The following PSMD3 variants were observed in gnomAD, a reference collection of about 807,000 sequenced individuals.
The protein encoded by PSMD3 is proteasome 26S subunit, non-ATPase 3, also known as 26S proteasome non-ATPase regulatory subunit 3.
Under a neutral mutation model 62.8 loss-of-function variants are expected in PSMD3, and 5 were observed. The ratio of observed to expected loss-of-function variants is 0.08; its 90% confidence interval spans 0.04 to 0.17. PSMD3 has a LOEUF of 0.17. Ranked by LOEUF, PSMD3 falls within the 10% of genes least tolerant of loss-of-function variation. The pLI is 1.00. For synonymous variants in PSMD3, 265 were observed against 283.9 expected (o/e 0.93, Z 0.67); for missense variants, 524 against 713.6 (o/e 0.73, Z 3.03).
Position 39,995,534 on chromosome 17 carries a change from C to G in PSMD3, c.1320+7C>G, listed in dbSNP as rs780830924. On this transcript the variant is annotated splice_region_variant and intron_variant, in intron 9 of 11. Coordinates refer to ENST00000264639, the MANE Select transcript of PSMD3 (RefSeq NM_002809.4). The surrounding 1 kb of genome is among the most constrained non-coding windows in gnomAD (Gnocchi z 4.1). ...AGAGTTCATTGTTGCCAAGGTGGGG[C>G]TGGTTCAGGAACCACAGTGACCAGG... 1.9e-6 allele frequency: 3 copies of G among 1,608,006 alleles called. No homozygotes were observed. Among genetic ancestry groups the G allele is most frequent in the East Asian group, 2.2e-5 (1 of 44,840 alleles).
In PSMD3 at chr17:39,997,647, C is replaced by G; in HGVS notation, c.*66C>G. 6.5e-7 allele frequency: 1 copy of G among 1,535,820 alleles called. No homozygotes were observed. Among genetic ancestry groups the G allele is most frequent in the Non-Finnish European group, 8.9e-7 (1 of 1,119,090 alleles). On this transcript the variant is annotated 3_prime_UTR_variant, in exon 12 of 12. Coordinates refer to ENST00000264639, the MANE Select transcript of PSMD3 (RefSeq NM_002809.4). The stretch of plus-strand genomic sequence containing the variant: ...TCTTTCCCCCTTGGGGGTCCCCTGC[C>G]CAGGGCACTGTCCCCATTTTCCCAC...
intron 5 of PSMD3, 73 bp downstream of exon 5, chr17:39,990,002 G>A (rs1176091906): frequency 6.4e-7 from 1 of 1,571,294 alleles, no homozygotes; most frequent in Non-Finnish European, 8.7e-7. Context: ...CCAAGGGGTG[G>A]TGCATAAGAG....
At chr17:39,981,254 T>A in intron 1 of PSMD3, 64 bp downstream of exon 1, 2 of 1,543,388 alleles carry the variant, frequency 1.3e-6, no homozygotes, top group Non-Finnish European at 1.7e-6. Context: ...GTGATTTGGC[T>A]TCTTGCTGGG....
rs957817602 is a variant in PSMD3, at chr17:39,985,059, C to T, written c.411+575C>T. ...CCTGGGCGACATGGTGAGACCCTGTCTCTGCAAAAAGTACAAAAATTAGCC... is the reference window on the plus strand; with the variant it reads ...CCTGGGCGACATGGTGAGACCCTGTTTCTGCAAAAAGTACAAAAATTAGCC... On this transcript the variant is annotated intron_variant, in intron 2 of 11. Coordinates refer to ENST00000264639, the MANE Select transcript of PSMD3 (RefSeq NM_002809.4). 2.0e-5 allele frequency among the ~76,000 whole-genome samples: 3 copies of T among 152,008 alleles called. No individual in the cohort carries two copies. The East Asian group carries it at 5.8e-4, about 29-fold the overall frequency.
Position 39,995,697 on chromosome 17 carries a change from A to G in PSMD3, c.1320+170A>G. 1.5e-6 allele frequency: 1 copy of G among 669,984 alleles called. No individual in the cohort carries two copies. The highest frequency in any genetic ancestry group is 1.8e-5 in the South Asian group (1 of 56,866). 41.5% of individuals were successfully genotyped at this position (669,984 alleles called of 1,614,324 possible). On this transcript the variant is annotated intron_variant, in intron 9 of 11. Coordinates refer to ENST00000264639, the MANE Select transcript of PSMD3 (RefSeq NM_002809.4). This position sits in a 1 kb window ranked among gnomAD's most constrained non-coding sequence, Gnocchi z 4.1. ...AAGCCAAGAAGTTGCCAGAGAGAGC[A>G]TGGATGTGCATGTGAGTGTGTGAGT... is the stretch of plus-strand genomic sequence containing the variant.
chr17:39,985,165 T>A (rs1471994661), intron 2 of PSMD3, among the ~76,000 whole-genome samples: 2 of 151,992 alleles, frequency 1.3e-5, no homozygotes, highest in Non-Finnish European at 2.9e-5. Context: ...GAGGTGGAGA[T>A]TGCAGTGAAC....
Position 39,990,110 on chromosome 17 carries a change from C to T in PSMD3, c.894C>T (p.Ile298=), listed in dbSNP as rs763681110. 5 of 1,614,124 alleles carry T rather than the reference C, an allele frequency of 3.1e-6. No homozygotes were observed. The highest frequency in any genetic ancestry group is 3.3e-5 in the Admixed American group (2 of 60,016). The part of the protein sequence containing the change: ...YLYYTGRIKA[I]QLEYSEARRT... ...CACTCCCAGGGCGAATCAAAGCCAT[C>T]CAGCTGGAGTACTCAGAGGCCCGGA... Residue 298 remains isoleucine, a synonymous_variant, in exon 6 of 12, where the codon ATC becomes ATT. Transcript: ENST00000264639.
chr17:39,990,046 T>G (rs1980618120), intron 5 of PSMD3, 48 bp from the exon 6 acceptor site: 1 of 1,597,790 alleles, frequency 6.3e-7, no homozygotes, highest in Non-Finnish European at 8.6e-7. Context: ...CGGTGGGGAG[T>G]TGGATGACCC....
Position 39,981,131 on chromosome 17 carries a change from A to G in PSMD3, c.161A>G (p.Lys54Arg). 6.4e-7 allele frequency: 1 copy of G among 1,550,634 alleles called. No individual in the cohort carries two copies. Among genetic ancestry groups the G allele is most frequent in the Non-Finnish European group, 8.7e-7 (1 of 1,146,666 alleles). The change falls in exon 1 of 12, where the codon AAG (lysine) becomes AGG (arginine). Residue 54 changes from lysine (K) to arginine (R), a missense_variant. Physicochemically the swap from Lys to Arg is conservative, Grantham distance 26. Coordinates refer to ENST00000264639, the MANE Select transcript of PSMD3 (RefSeq NM_002809.4). ...GGGTCGACGGGGGAGGCAGACGGCA[A>G]GACGGCGGCGGCAGCGGCTGAGCAC... ...GGGSTGEADG[K>R]TAAAAAEHSQ...
chr17:39,990,271 TGGGC>T, intron 6 of PSMD3, 74 bp downstream of exon 6: 2 of 1,306,516 alleles, frequency 1.5e-6, no homozygotes, highest in Non-Finnish European at 2.1e-6. Context: ...CTATGTTACC[TGGGC>T]TGGTCTTGAA....
At chr17:39,992,004 G>A (rs1478825440) in intron 6 of PSMD3, among the ~76,000 whole-genome samples, 2 of 80,022 alleles carry the variant, frequency 2.5e-5, no homozygotes, top group Non-Finnish European at 5.8e-5. Context: ...CAGCCTGGGC[G>A]ACAGAGCAAG....
Position 39,997,887 on chromosome 17 carries a change from T to C in PSMD3, c.*306T>C, listed in dbSNP as rs1205121344. ...CCTTTAGGGAGTGGGGGACTAGAAC[T>C]GGGATGTCTTGGCTTGTATGTTTTT... On this transcript the variant is annotated 3_prime_UTR_variant, in exon 12 of 12. Transcript: ENST00000264639. 6.8e-6 allele frequency: 3 copies of C among 439,656 alleles called. No homozygotes were observed. Among genetic ancestry groups the C allele is most frequent in the Admixed American group, 7.4e-5 (2 of 26,880 alleles). 27.2% of individuals were successfully genotyped at this position (439,656 alleles called of 1,614,324 possible).
chr17:39,996,684 TCTTG>T lies in PSMD3; in HGVS notation c.1476+354_1476+357del, dbSNP rs1204014035. The T allele has an allele frequency of 2.0e-6, 1 of 501,574 alleles. No homozygotes were observed. The highest frequency in any genetic ancestry group is 3.9e-6 in the Non-Finnish European group (1 of 257,548). The allele number at this position is 501,574 out of a possible 1,614,324, so 31.1% of individuals were successfully genotyped here. A position where few individuals can be genotyped will look rare whatever the true frequency, so the allele number is the denominator to read the frequency against. ...GAAGCTGATAGGGAGGTGTTACCTG[TCTTG>T]CTTGCTTCACAGGGTTGGTAAGATT... On this transcript the variant is annotated intron_variant, in intron 10 of 11. Transcript: ENST00000264639. The surrounding 1 kb of genome is among the most constrained non-coding windows in gnomAD (Gnocchi z 5.1).
At position 39,995,638 on chromosome 17, in the gene PSMD3, T is replaced by A; in HGVS notation, c.1320+111T>A. 1 of 1,069,740 alleles carries A rather than the reference T, an allele frequency of 9.3e-7. No homozygotes were observed. The highest frequency in any genetic ancestry group is 1.4e-6 in the Non-Finnish European group (1 of 711,636). The allele number at this position is 1,069,740 out of a possible 1,614,324, so 66.3% of individuals were successfully genotyped here. ...GAGGGGAATAGGTAAAGCAATGGCA[T>A]AGTCATTTCAGGGCGTGCCCGTCAT... is the stretch of plus-strand genomic sequence containing the variant. On this transcript the variant is annotated intron_variant, in intron 9 of 11. Transcript: ENST00000264639. This position sits in a 1 kb window ranked among gnomAD's most constrained non-coding sequence, Gnocchi z 4.1.
In PSMD3 at chr17:39,988,757, A is replaced by C; in HGVS notation, c.624A>C (p.Ala208=). 1 of 1,614,184 alleles carries C rather than the reference A, an allele frequency of 6.2e-7. No homozygotes were observed. Among genetic ancestry groups the C allele is most frequent in the East Asian group, 2.2e-5 (1 of 44,892 alleles). Residue 208 remains alanine, a synonymous_variant, in exon 4 of 12, where the codon GCA becomes GCC. Coordinates refer to ENST00000264639, the MANE Select transcript of PSMD3 (RefSeq NM_002809.4). ...QNRRALDLVA[A]KCYYYHARVY... Reference sequence around the variant, plus strand: ...GCCGGGCCCTAGACCTTGTAGCCGCAAAGTGTTACTATTATCACGCCCGGG... The same window carrying C: ...GCCGGGCCCTAGACCTTGTAGCCGCCAAGTGTTACTATTATCACGCCCGGG...
chr17:39,994,882 A>C, intron 6 of PSMD3, 72 bp from the exon 7 acceptor site: 1 of 1,313,688 alleles, frequency 7.6e-7, no homozygotes, highest in Non-Finnish European at 1.1e-6. Context: ...GGCAGAATTT[A>C]GGCCACATTT....
In PSMD3 at chr17:39,981,114, G is replaced by C. The variant is rs750687762; in HGVS notation, c.144G>C (p.Thr48=). Residue 48 remains threonine, a synonymous_variant, in exon 1 of 12, where the codon ACG becomes ACC. Transcript: ENST00000264639. ...AGGCAGCGACGGGTGGCGGGTCGAC[G>C]GGGGAGGCAGACGGCAAGACGGCGG... ...KEEAATGGGS[T]GEADGKTAAA... The C allele has an allele frequency of 2.6e-6, 4 of 1,550,264 alleles. No homozygotes were observed. Among genetic ancestry groups the C allele is most frequent in the Non-Finnish European group, 1.7e-6 (2 of 1,146,446 alleles).
intron 1 of PSMD3, among the ~76,000 whole-genome samples, chr17:39,983,820 G>A (rs557816598): frequency 3.9e-5 from 6 of 152,288 alleles, no homozygotes; most frequent in African/African-American, 1.4e-4. Context: ...CTTAAAATCA[G>A]TGTGTGGAAT....
In PSMD3 at chr17:39,996,925, C is replaced by T. The variant is rs942000253; in HGVS notation, c.1477-405C>T. ...TAAAATCTGGCTAAGCCCTACTCCACGTGACATGCAAGGCCCTTTGTGACC... is the reference window on the plus strand; with the variant it reads ...TAAAATCTGGCTAAGCCCTACTCCATGTGACATGCAAGGCCCTTTGTGACC... On this transcript the variant is annotated intron_variant, in intron 10 of 11. Coordinates refer to ENST00000264639, the MANE Select transcript of PSMD3 (RefSeq NM_002809.4). The surrounding 1 kb of genome is among the most constrained non-coding windows in gnomAD (Gnocchi z 5.1). 3 of 398,134 alleles carry T rather than the reference C, an allele frequency of 7.5e-6. No homozygotes were observed. Among genetic ancestry groups the T allele is most frequent in the Non-Finnish European group, 9.7e-6 (2 of 206,156 alleles). The allele number at this position is 398,134 out of a possible 1,614,324, so 24.7% of individuals were successfully genotyped here. A position where few individuals can be genotyped will look rare whatever the true frequency, so the allele number is the denominator to read the frequency against.
Sources: gnomAD v4.1 joint callset for allele counts (sites outside exome capture counted in the v4.1 genomes callset) on GRCh38, gnomAD v4.1.1 for gene constraint, Gnocchi (gnomAD v3.1) non-coding constraint, MANE v1.5 for transcripts, NCBI Gene and HGNC (gene_info 2026-07-23, HGNC 2026-07-21) for gene names.